Variants in SCHIP1 observed in about 807,000 individuals in gnomAD.
SCHIP1 encodes the protein schwannomin interacting protein 1, also known as schwannomin-interacting protein 1.
In SCHIP1, 8 loss-of-function variants were observed where a neutral mutation model predicts 29.7. The observed-to-expected ratio is 0.27, with a 90% CI of 0.16 to 0.49. The LOEUF (loss-of-function observed/expected upper bound fraction) is 0.49, where lower values mean the gene tolerates loss of function less well. Ranked by LOEUF, SCHIP1 falls within the 20% of genes least tolerant of loss-of-function variation. The pLI, the probability that SCHIP1 is intolerant of heterozygous loss-of-function variation, is 0.99. For synonymous variants in SCHIP1, 76 were observed against 94.9 expected, an observed-to-expected ratio of 0.80 and a Z score of 1.16; for missense variants, 193 against 294.6, an observed-to-expected ratio of 0.66 and a Z score of 2.52.
At chr3:159,647,655 T>C in the SCHIP1 span, among the ~76,000 whole-genome samples, 1 of 152,180 alleles carries the variant, frequency 6.6e-6, no homozygotes, top group Non-Finnish European at 1.5e-5. Context: ...ATCGCTAATA[T>C]TCTGATGCTT....
chr3:159,611,321 A>C, the SCHIP1 span, among the ~76,000 whole-genome samples: 2 of 152,200 alleles, frequency 1.3e-5, no homozygotes, highest in Admixed American at 6.5e-5. Flanking sequence ...CTGATTAAAA[A>C]TACGAGCTCT....
the SCHIP1 span, among the ~76,000 whole-genome samples, chr3:159,781,439 G>C: frequency 6.6e-6 from 1 of 152,166 alleles, no homozygotes; most frequent in Non-Finnish European, 1.5e-5. Context: ...GCCTCCTAAA[G>C]TGCTGGGATT....
At chr3:159,704,637 T>C in the SCHIP1 span, among the ~76,000 whole-genome samples, 1 of 152,068 alleles carries the variant, frequency 6.6e-6, no homozygotes, top group East Asian at 1.9e-4. Context: ...ATATATCATA[T>C]TAGGCAATTC....
At chr3:159,583,244 C>G in the SCHIP1 span, among the ~76,000 whole-genome samples, 1 of 152,100 alleles carries the variant, frequency 6.6e-6, no homozygotes, top group Non-Finnish European at 1.5e-5. Flanking sequence ...GCAACACAAC[C>G]ATGAAACCCA....
the SCHIP1 span, among the ~76,000 whole-genome samples, chr3:159,626,998 C>A: frequency 6.6e-6 from 1 of 152,146 alleles, no homozygotes; most frequent in African/African-American, 2.4e-5. Flanking sequence ...ACCCCACGTG[C>A]ATTAGGTATT....
the SCHIP1 span, among the ~76,000 whole-genome samples, chr3:159,552,395 A>ATAAC: frequency 6.6e-6 from 1 of 152,078 alleles, no homozygotes; most frequent in Non-Finnish European, 1.5e-5. Context: ...TGACCACAGA[A>ATAAC]TAACTACTCT....
chr3:159,312,682 G>A, the SCHIP1 span, among the ~76,000 whole-genome samples: 5 of 152,252 alleles, frequency 3.3e-5, no homozygotes, highest in Admixed American at 1.3e-4. Flanking sequence ...GGCAGAATGA[G>A]GAAATCTGAA....
the SCHIP1 span, among the ~76,000 whole-genome samples, chr3:159,544,146 C>T: frequency 1.3e-5 from 2 of 151,926 alleles, no homozygotes; most frequent in Admixed American, 6.6e-5. Flanking sequence ...GTTTTATATA[C>T]GTACCATCAT....
At chr3:159,396,652 A>T in the SCHIP1 span, among the ~76,000 whole-genome samples, 3 of 151,914 alleles carry the variant, frequency 2.0e-5, no homozygotes, top group African/African-American at 4.8e-5. Flanking sequence ...ATTGGCCCCA[A>T]CTCTCCTCTG....
chr3:159,331,573 G>A, the SCHIP1 span, among the ~76,000 whole-genome samples: 16 of 152,016 alleles, frequency 1.1e-4, no homozygotes, highest in Admixed American at 7.2e-4. Context: ...TGGAGAATGC[G>A]CTACAGTGTA....
At chr3:159,752,703 G>A in the SCHIP1 span, among the ~76,000 whole-genome samples, 7 of 152,088 alleles carry the variant, frequency 4.6e-5, no homozygotes, top group Non-Finnish European at 8.8e-5. Flanking sequence ...ACAGCACCAA[G>A]GGGATGGTGC....
the SCHIP1 span, among the ~76,000 whole-genome samples, chr3:159,675,269 T>C: frequency 6.6e-6 from 1 of 152,208 alleles, no homozygotes; most frequent in African/African-American, 2.4e-5. Flanking sequence ...TTGCTATGGC[T>C]GATAATGCTA....
At chr3:159,552,234 T>C in the SCHIP1 span, among the ~76,000 whole-genome samples, 19 of 151,694 alleles carry the variant, frequency 1.3e-4, no homozygotes, top group Admixed American at 9.2e-4. Context: ...TTAGTAGAGA[T>C]AGGGTTTCAC....
At chr3:159,736,646 G>A in the SCHIP1 span, among the ~76,000 whole-genome samples, 14 of 152,028 alleles carry the variant, frequency 9.2e-5, no homozygotes, top group African/African-American at 3.1e-4. Flanking sequence ...CCAAGGGAGA[G>A]AGACTGAAGT....
At chr3:159,810,863 A>T in the SCHIP1 span, among the ~76,000 whole-genome samples, 3 of 152,208 alleles carry the variant, frequency 2.0e-5, no homozygotes, top group African/African-American at 4.8e-5. Context: ...TTTATGTTTC[A>T]TTTTATAAGA....
chr3:159,652,060 C>T, the SCHIP1 span, among the ~76,000 whole-genome samples: 1 of 151,652 alleles, frequency 6.6e-6, no homozygotes, highest in Non-Finnish European at 1.5e-5. Flanking sequence ...TGTGCCACTG[C>T]ACTCTAGCCT....
At chr3:159,774,945 A>AT in the SCHIP1 span, among the ~76,000 whole-genome samples, 10 of 151,512 alleles carry the variant, frequency 6.6e-5, no homozygotes, top group Admixed American at 6.6e-5. Flanking sequence ...CACATTAATC[A>AT]TTTTTTTTCT....
the SCHIP1 span, among the ~76,000 whole-genome samples, chr3:159,502,846 T>C: frequency 2.6e-5 from 4 of 152,236 alleles, no homozygotes; most frequent in African/African-American, 9.6e-5. Flanking sequence ...CAGGCGTATT[T>C]GAACAATCAC....
the SCHIP1 span, among the ~76,000 whole-genome samples, chr3:159,818,547 C>T: frequency 6.6e-6 from 1 of 152,226 alleles, no homozygotes; most frequent in South Asian, 2.1e-4. Flanking sequence ...GCCACCTGCC[C>T]GCAGCAGAGC....
Sources: allele counts gnomAD v4.1 joint callset (sites outside exome capture counted in the v4.1 genomes callset), GRCh38; gene constraint gnomAD v4.1.1; transcripts MANE v1.5; gene names NCBI Gene and HGNC (gene_info 2026-07-23, HGNC 2026-07-21).